Variants in GUCY1A2 observed in about 807,000 individuals in gnomAD.
The protein encoded by GUCY1A2 is guanylate cyclase 1 soluble subunit alpha 2, also known as guanylate cyclase soluble subunit alpha-2.
A neutral mutation model predicts 63.5 loss-of-function variants in GUCY1A2; 27 were observed. The observed-to-expected ratio is 0.43, with a 90% CI of 0.31 to 0.59. The LOEUF is 0.59. Among genes scored for constraint, GUCY1A2 ranks in the 20% least tolerant of loss-of-function variants. The probability of loss-of-function intolerance (pLI) is 0.11; values close to 1 mark genes in which losing one functional copy is unlikely to be tolerated. For synonymous variants in GUCY1A2, 364 were observed against 343.5 expected, an observed-to-expected ratio of 1.06 and a Z score of -0.66; for missense variants, 768 against 913.3, an observed-to-expected ratio of 0.84 and a Z score of 2.05.
At chr11:106,715,625 A>G (rs1252951091) in intron 6 of GUCY1A2, among the ~76,000 whole-genome samples, 4 of 152,224 alleles carry the variant, frequency 2.6e-5, no homozygotes, top group Admixed American at 2.6e-4. Context: ...ATCCAACACC[A>G]GAAACCTTCC....
At chr11:106,773,978 A>G (rs1864305163) in intron 6 of GUCY1A2, among the ~76,000 whole-genome samples, 1 of 152,186 alleles carries the variant, frequency 6.6e-6, no homozygotes, top group African/African-American at 2.4e-5. Context: ...GTTTTATAAT[A>G]TGAATTTTTA....
At chr11:106,731,949 A>G (rs941229573) in intron 6 of GUCY1A2, among the ~76,000 whole-genome samples, 2 of 152,210 alleles carry the variant, frequency 1.3e-5, no homozygotes, top group Admixed American at 6.5e-5. Flanking sequence ...GGAAAAATCA[A>G]TATTGTTAAA....
At chr11:106,938,888 T>A (rs1257888266) in intron 4 of GUCY1A2, among the ~76,000 whole-genome samples, 2 of 152,190 alleles carry the variant, frequency 1.3e-5, no homozygotes, top group Non-Finnish European at 2.9e-5. Context: ...CAACTAGAGA[T>A]CATGTTCTAA....
At chr11:106,792,352 C>T (rs1453008687) in intron 5 of GUCY1A2, among the ~76,000 whole-genome samples, 1 of 139,826 alleles carries the variant, frequency 7.2e-6, no homozygotes, top group Non-Finnish European at 1.5e-5. Context: ...CACCATTGCA[C>T]TCCAGCCTGG....
chr11:106,804,630 TCC>T (rs1858655532), intron 5 of GUCY1A2, among the ~76,000 whole-genome samples: 2 of 152,284 alleles, frequency 1.3e-5, no homozygotes, highest in Admixed American at 1.3e-4. Context: ...TTTAGTAGCT[TCC>T]TATCAAGTGG....
At chr11:106,906,458 G>T (rs1214481196) in intron 4 of GUCY1A2, among the ~76,000 whole-genome samples, 1 of 152,186 alleles carries the variant, frequency 6.6e-6, no homozygotes, top group Non-Finnish European at 1.5e-5. Flanking sequence ...TGGTGAGGCT[G>T]TGGAGAAATA....
chr11:106,831,115 T>C (rs928208825), intron 4 of GUCY1A2, among the ~76,000 whole-genome samples: 1 of 152,130 alleles, frequency 6.6e-6, no homozygotes, highest in Non-Finnish European at 1.5e-5. Context: ...TCAGTAACAG[T>C]GAAACTCTGG....
At chr11:106,831,365 C>T (rs961800519) in intron 4 of GUCY1A2, among the ~76,000 whole-genome samples, 7 of 152,102 alleles carry the variant, frequency 4.6e-5, no homozygotes, top group African/African-American at 1.7e-4. Context: ...TCCTTGGAAG[C>T]TTGCTGTGCT....
At chr11:106,873,560 A>C (rs576612799) in intron 4 of GUCY1A2, among the ~76,000 whole-genome samples, 3 of 152,196 alleles carry the variant, frequency 2.0e-5, no homozygotes, top group African/African-American at 7.2e-5. Context: ...GGCCACGTAC[A>C]TGTCTTTTTT....
At chr11:106,904,211 C>T (rs191000827) in intron 4 of GUCY1A2, among the ~76,000 whole-genome samples, 95 of 152,206 alleles carry the variant, frequency 6.2e-4, no homozygotes, top group Admixed American at 2.1e-3. Context: ...AACAAAGCTG[C>T]GGCTAATTAT....
At chr11:106,946,886 C>A (rs1860836655) in intron 3 of GUCY1A2, among the ~76,000 whole-genome samples, 1 of 151,946 alleles carries the variant, frequency 6.6e-6, no homozygotes, top group Non-Finnish European at 1.5e-5. Context: ...TTCAATAAAG[C>A]ATTATATAGT....
intron 1 of GUCY1A2, among the ~76,000 whole-genome samples, chr11:107,012,455 A>G (rs1027134925): frequency 1.3e-5 from 2 of 152,192 alleles, no homozygotes; most frequent in Admixed American, 6.5e-5. Context: ...CTTTAAGAAG[A>G]ATATTCCTCC....
chr11:106,998,593 A>G (rs1200927439), intron 1 of GUCY1A2, among the ~76,000 whole-genome samples: 2 of 152,224 alleles, frequency 1.3e-5, no homozygotes, highest in East Asian at 1.9e-4. Flanking sequence ...CCTTGCATGC[A>G]TAACGACTCT....
At chr11:106,966,003 T>C (rs1267712532) in intron 3 of GUCY1A2, among the ~76,000 whole-genome samples, 2 of 152,108 alleles carry the variant, frequency 1.3e-5, no homozygotes, top group Non-Finnish European at 2.9e-5. Context: ...TACAGTCATA[T>C]AGAAATCCTA....
At chr11:106,814,195 T>C (rs1273056560) in intron 4 of GUCY1A2, among the ~76,000 whole-genome samples, 3 of 152,114 alleles carry the variant, frequency 2.0e-5, no homozygotes, top group East Asian at 1.9e-4. Flanking sequence ...GCTGCTGATA[T>C]AGATTTGCAT....
chr11:106,739,188 C>T (rs1271872356), intron 6 of GUCY1A2, among the ~76,000 whole-genome samples: 1 of 152,116 alleles, frequency 6.6e-6, no homozygotes, highest in Non-Finnish European at 1.5e-5. Flanking sequence ...ATTTGGCTCG[C>T]TGTTTGTCTA....
At chr11:106,824,856 G>A in intron 4 of GUCY1A2, 9 of 1,610,594 alleles carry the variant, frequency 5.6e-6, no homozygotes, top group South Asian at 1.1e-5. Flanking sequence ...AAAGATGGAG[G>A]AAAAAAATTC....
chr11:106,688,473 C>A (rs575323017), intron 7 of GUCY1A2, among the ~76,000 whole-genome samples: 4 of 152,030 alleles, frequency 2.6e-5, no homozygotes, highest in Non-Finnish European at 5.9e-5. Flanking sequence ...AAAAGTGTGG[C>A]CCAACAATTC....
At chr11:107,015,892 T>C (rs7939110) in intron 1 of GUCY1A2, among the ~76,000 whole-genome samples, 2,862 of 152,164 alleles carry the variant, frequency 0.019, 83 homozygotes, top group African/African-American at 0.065. Context: ...AGGTTAATGA[T>C]GAAAGAAAAA....
Sources: allele counts gnomAD v4.1 joint callset (sites outside exome capture counted in the v4.1 genomes callset), GRCh38; gene constraint gnomAD v4.1.1; transcripts MANE v1.5; gene names NCBI Gene and HGNC (gene_info 2026-07-23, HGNC 2026-07-21).